Variants in IFT122 observed in about 807,000 individuals in gnomAD.
IFT122 encodes the protein intraflagellar transport protein 122 homolog.
A neutral mutation model predicts 161.6 loss-of-function variants in IFT122; 118 were observed. The observed-to-expected ratio is 0.73, with a 90% CI of 0.63 to 0.85. The LOEUF (loss-of-function observed/expected upper bound fraction) is 0.85. Among genes scored for constraint, IFT122 ranks in the 40% least tolerant of loss-of-function variants. The pLI is 0.00. For synonymous variants in IFT122, 550 were observed against 602.4 expected (o/e 0.91, Z 1.27); for missense variants, 1,381 against 1,579.6 (o/e 0.87, Z 2.13).
intron 15 of IFT122, among the ~76,000 whole-genome samples, chr3:129,484,786 G>A (rs1448264062): frequency 6.6e-6 from 1 of 152,168 alleles, no homozygotes; most frequent in Non-Finnish European, 1.5e-5. Context: ...ATTCTGCATG[G>A]CAAAATTTAG....
At chr3:129,481,459 C>T (rs2078633747) in intron 13 of IFT122, 71 bp from the exon 14 acceptor site, 1 of 1,357,220 alleles carries the variant, frequency 7.4e-7, no homozygotes, top group Non-Finnish European at 1.1e-6. Context: ...CATGGGATTC[C>T]AACGGCCTGG....
intron 14 of IFT122, 29 bp downstream of exon 14, chr3:129,481,723 T>C: frequency 6.2e-7 from 1 of 1,611,450 alleles, no homozygotes; most frequent in South Asian, 1.1e-5. Flanking sequence ...CCCAGGGACA[T>C]CATCCTTTGA....
rs182157328 is a variant in IFT122 at position 129,514,907 on chromosome 3, T to C, written c.3153+353T>C. 5.6e-3 allele frequency: 2,398 copies of C among 424,922 alleles called. 10 individuals carry two copies. The highest frequency in any genetic ancestry group is 8.1e-3 in the Non-Finnish European group (1,840 of 226,628). The allele number at this position is 424,922 out of a possible 1,614,324, so 26.3% of individuals were successfully genotyped here. A position where few individuals can be genotyped will look rare whatever the true frequency, so the allele number is the denominator to read the frequency against. On this transcript the variant is annotated intron_variant, in intron 25 of 29. Coordinates refer to ENST00000348417, the MANE Select transcript of IFT122 (RefSeq NM_052989.3). ...AGCTGACTCTTACTCTAGAAACCTC[T>C]GCCCTTTCTGGAACCAGGCTGTAGT...
chr3:129,469,025 C>G (rs551785598), intron 8 of IFT122, among the ~76,000 whole-genome samples: 6 of 152,298 alleles, frequency 3.9e-5, no homozygotes, highest in Non-Finnish European at 7.4e-5. Context: ...CCTTGCCTAT[C>G]TTAGTGTTGC....
chr3:129,474,778 A>G (rs988996331), intron 9 of IFT122, among the ~76,000 whole-genome samples: 5 of 152,312 alleles, frequency 3.3e-5, no homozygotes, highest in East Asian at 3.9e-4. Context: ...CCATCAAGAA[A>G]GAGAAAAGAC....
At chr3:129,456,290 A>G (rs2075472972) in intron 3 of IFT122, 9 of 1,239,554 alleles carry the variant, frequency 7.3e-6, no homozygotes, top group East Asian at 1.1e-4. Context: ...TTGTTTATTT[A>G]GTATTTGCAG....
At chr3:129,483,973 A>C in intron 15 of IFT122, 1 of 473,734 alleles carries the variant, frequency 2.1e-6, no homozygotes. Flanking sequence ...TTTTGCAGAG[A>C]GCCCAGCGTG....
intron 12 of IFT122, 102 bp from the exon 13 acceptor site, chr3:129,479,683 G>A: frequency 7.3e-7 from 1 of 1,374,022 alleles, no homozygotes; most frequent in Non-Finnish European, 1.0e-6. Flanking sequence ...GATACTGAAT[G>A]TGTAGGTATT....
rs149884307 is a variant in IFT122 at position 129,519,147 on chromosome 3, C to T, written c.3432C>T (p.Ile1144=). The T allele has an allele frequency of 1.1e-3, 1,795 of 1,614,096 alleles. 6 individuals are homozygous for T. The highest frequency in any genetic ancestry group is 6.1e-3 in the African/African-American group (455 of 75,072). Residue 1144 remains isoleucine (I), a synonymous_variant, in exon 28 of 30, where the codon ATC becomes ATT. Coordinates refer to ENST00000348417, the MANE Select transcript of IFT122 (RefSeq NM_052989.3). The part of the protein sequence containing the change: ...ILRLVETKDS[I]GDEDPFTAKL... ...GGCTAGTGGAGACCAAGGACTCCAT[C>T]GGAGATGAGGACCCGTTCACAGCTA...
Position 129,440,364 on chromosome 3 carries a change from G to A in IFT122, c.34G>A (p.Glu12Lys). 1 of 1,550,782 alleles carries A rather than the reference G, an allele frequency of 6.4e-7. No homozygotes were observed. The highest frequency in any genetic ancestry group is 8.7e-7 in the Non-Finnish European group (1 of 1,146,826). The change falls in exon 1 of 30, where the codon GAG becomes AAG. Residue 12 changes from glutamate (E) to lysine (K), a missense_variant. Glu to Lys is a moderately conservative substitution (Grantham distance 56). Coordinates refer to ENST00000348417, the MANE Select transcript of IFT122 (RefSeq NM_052989.3). The part of the protein sequence containing the change: ...RAVLTWRDKA[E>K]HCINDIAFKP... Reference sequence around the variant, plus strand: ...CGTGTTGACGTGGAGAGATAAAGCCGAGCACTGGTGAGGAGCGGGGCGGTT... The same window carrying A: ...CGTGTTGACGTGGAGAGATAAAGCCAAGCACTGGTGAGGAGCGGGGCGGTT...
chr3:129,492,287 A>T (rs1292198711), intron 17 of IFT122, 93 bp downstream of exon 17: 10 of 1,008,148 alleles, frequency 9.9e-6, no homozygotes, highest in Non-Finnish European at 1.6e-5. Flanking sequence ...CCTTGAGGAC[A>T]TGGGAACAGA....
At chr3:129,479,452 TA>T (rs999386112) in intron 12 of IFT122, among the ~76,000 whole-genome samples, 22 of 151,698 alleles carry the variant, frequency 1.5e-4, no homozygotes. Flanking sequence ...AAATAATAAA[TA>T]AATAATCAAA....
chr3:129,502,605 G>A, intron 19 of IFT122, 106 bp from the exon 20 acceptor site: 1 of 1,286,072 alleles, frequency 7.8e-7, no homozygotes, highest in East Asian at 2.3e-5. Flanking sequence ...AACTCCCATG[G>A]GCCATGGCAT....
In IFT122 at chr3:129,458,632, G is replaced by A. The variant is rs1012943423; in HGVS notation, c.227G>A (p.Ser76Asn). ...KRFASGSADK[S>N]VIIWTSKLEG... ...TTTGCTTCTGGATCAGCTGACAAAA[G>A]CGTTATTATCTGGACATCAAAACTG... The change falls in exon 4 of 30, where the codon AGC becomes AAC. Residue 76 changes from serine to asparagine, a missense_variant. This residue lies in a region of IFT122 where 134 missense variants were observed against 137.4 expected (regional missense o/e 0.98). Transcript: ENST00000348417. 1.9e-6 allele frequency: 3 copies of A among 1,614,008 alleles called. No individual in the cohort carries two copies. Among genetic ancestry groups the A allele is most frequent in the Admixed American group, 1.7e-5 (1 of 60,006 alleles).
rs151216801 is a variant in IFT122 at position 129,494,759 on chromosome 3, A to C, written c.2047-687A>C. Among the ~76,000 whole-genome samples the C allele has an allele frequency of 4.8e-4, 73 of 152,250 alleles. 1 individual carries two copies. In the East Asian group the frequency reaches 0.013, roughly 27 times the overall value. ...AAGACTACATTGTGTGATACAAGGA[A>C]TATCTGGAGTCAGACAGAACTGCGT... is the stretch of plus-strand genomic sequence containing the variant. On this transcript the variant is annotated intron_variant, in intron 17 of 29. Coordinates refer to ENST00000348417, the MANE Select transcript of IFT122 (RefSeq NM_052989.3).
chr3:129,516,904 CAG>C (rs1491198900), intron 26 of IFT122, among the ~76,000 whole-genome samples: 4 of 138,568 alleles, frequency 2.9e-5, no homozygotes, highest in Non-Finnish European at 6.1e-5. Flanking sequence ...CACAGACACA[CAG>C]AGACCGCTCC....
chr3:129,442,979 C>T (rs1182855688), intron 1 of IFT122, among the ~76,000 whole-genome samples: 3 of 152,184 alleles, frequency 2.0e-5, no homozygotes, highest in Non-Finnish European at 4.4e-5. Context: ...TTCATCTCAA[C>T]CAGGATGTCT....
chr3:129,490,223 G>A (rs1379028589), intron 16 of IFT122, among the ~76,000 whole-genome samples: 1 of 152,128 alleles, frequency 6.6e-6, no homozygotes, highest in Non-Finnish European at 1.5e-5. Context: ...ACAACATGCT[G>A]TTTTGAAAAA....
intron 15 of IFT122, among the ~76,000 whole-genome samples, chr3:129,485,637 T>C (rs1307217081): frequency 1.3e-5 from 2 of 152,260 alleles, no homozygotes; most frequent in African/African-American, 2.4e-5. Flanking sequence ...GCTCTGCTTA[T>C]TTTATTAAAA....
Sources: allele counts gnomAD v4.1 joint callset (sites outside exome capture counted in the v4.1 genomes callset), GRCh38; gene constraint gnomAD v4.1.1; regional missense constraint gnomAD v4.1.1; transcripts MANE v1.5; gene names NCBI Gene and HGNC (gene_info 2026-07-23, HGNC 2026-07-21).